Variants in SEMA3D observed in about 807,000 individuals in gnomAD.
SEMA3D encodes semaphorin 3D, also known as semaphorin-3D.
SEMA3D carries 84 observed loss-of-function variants against 100.1 expected under a neutral mutation model. That is an observed-to-expected ratio of 0.84 (90% CI 0.70 to 1.01). SEMA3D has a LOEUF of 1.01. Among genes scored for constraint, SEMA3D ranks in the 50% least tolerant of loss-of-function variants. SEMA3D has a pLI of 0.00. For missense variants in SEMA3D, 875 were observed against 934.1 expected, an observed-to-expected ratio of 0.94 and a Z score of 0.82; for synonymous variants, 312 against 320.7, an observed-to-expected ratio of 0.97 and a Z score of 0.29.
chr7:85,211,908 C>G, the SEMA3D span, among the ~76,000 whole-genome samples: 1 of 152,032 alleles, frequency 6.6e-6, no homozygotes, highest in Non-Finnish European at 1.5e-5. Context: ...ATAAAACACA[C>G]AAAAATATAT....
chr7:85,218,753 A>G, the SEMA3D span, among the ~76,000 whole-genome samples: 1 of 152,120 alleles, frequency 6.6e-6, no homozygotes, highest in Non-Finnish European at 1.5e-5. Flanking sequence ...TTTTATGGAG[A>G]CCAATGTCTT....
chr7:85,129,413 A>G (rs1167356306), intron 2 of SEMA3D, among the ~76,000 whole-genome samples: 1 of 152,118 alleles, frequency 6.6e-6, no homozygotes, highest in East Asian at 1.9e-4. Context: ...AAAAATATTT[A>G]CTGAAAAAAA....
chr7:85,225,097 TATATATATACATAC>T, the SEMA3D span, among the ~76,000 whole-genome samples: 3 of 30,804 alleles, frequency 9.7e-5, no homozygotes, highest in South Asian at 3.1e-3. Context: ...TATATATATA[TATATATATACATAC>T]ATATATACAT....
the SEMA3D span, among the ~76,000 whole-genome samples, chr7:85,206,472 G>A: frequency 1.3e-5 from 2 of 152,030 alleles, no homozygotes; most frequent in African/African-American, 2.4e-5. Context: ...TATGCCTATT[G>A]TAGTTCTTTT....
At chr7:85,150,405 T>G (rs1790343119) in intron 2 of SEMA3D, among the ~76,000 whole-genome samples, 1 of 95,508 alleles carries the variant, frequency 1.0e-5, no homozygotes, top group East Asian at 3.2e-4. Flanking sequence ...TTTACAGGGA[T>G]ATATATATAT....
chr7:85,169,030 C>A (rs908011186), intron 1 of SEMA3D, among the ~76,000 whole-genome samples: 23 of 151,250 alleles, frequency 1.5e-4, no homozygotes, highest in African/African-American at 5.3e-4. Flanking sequence ...ACTATGAGTT[C>A]ATGAGATAAA....
intron 2 of SEMA3D, among the ~76,000 whole-genome samples, chr7:85,126,375 CGT>C (rs34641872): frequency 0.24 from 31,664 of 130,838 alleles, 4,728 homozygotes; most frequent in Non-Finnish European, 0.33. Context: ...GATTCTTTCT[CGT>C]GTGTGTGTGT....
At chr7:85,131,385 A>C (rs1057158484) in intron 2 of SEMA3D, among the ~76,000 whole-genome samples, 1 of 152,144 alleles carries the variant, frequency 6.6e-6, no homozygotes, top group African/African-American at 2.4e-5. Flanking sequence ...GATATAACAT[A>C]ATTGTATTTG....
At chr7:85,050,512 T>C (rs1791134545) in intron 9 of SEMA3D, 1 of 330,696 alleles carries the variant, frequency 3.0e-6, no homozygotes, top group Non-Finnish European at 5.5e-6. Flanking sequence ...ATTATAAACA[T>C]ATTAAGTTTA....
rs950638876 is a variant in SEMA3D, at chr7:85,120,685, G to A, written c.151+1056C>T. Among the ~76,000 whole-genome samples the A allele has an allele frequency of 2.1e-5, 3 of 142,056 alleles. No individual in the cohort carries two copies. In the East Asian group the frequency reaches 6.2e-4, roughly 29 times the overall value. The allele number at this position is 142,056 out of a possible 152,430, so 93.2% of individuals were successfully genotyped here. A position where few individuals can be genotyped will look rare whatever the true frequency, so the allele number is the denominator to read the frequency against. On this transcript the variant is annotated intron_variant, in intron 3 of 18. Coordinates refer to ENST00000284136, the MANE Select transcript of SEMA3D (RefSeq NM_001384900.1). ...TCATCTCAAAAAAAAAAAAAAAAAG[G>A]TTTTAATTATTGATTAAATAAGACA...
intron 2 of SEMA3D, among the ~76,000 whole-genome samples, chr7:85,124,887 G>T (rs1057391957): frequency 1.3e-5 from 2 of 152,042 alleles, no homozygotes; most frequent in African/African-American, 2.4e-5. Flanking sequence ...TGGTCACTTC[G>T]TACTGCCTTT....
At chr7:85,206,001 C>T in the SEMA3D span, among the ~76,000 whole-genome samples, 1 of 152,084 alleles carries the variant, frequency 6.6e-6, no homozygotes, top group Non-Finnish European at 1.5e-5. Context: ...ACCTCCCTGG[C>T]AGTCTCTCCA....
the SEMA3D span, among the ~76,000 whole-genome samples, chr7:85,221,326 T>G: frequency 6.6e-6 from 1 of 152,092 alleles, no homozygotes; most frequent in East Asian, 1.9e-4. Flanking sequence ...TTGTTTGAAG[T>G]AGAAACTGCA....
At chr7:85,066,913 C>CACACACAGAGAGAGAGAGAGAG in intron 7 of SEMA3D, among the ~76,000 whole-genome samples, 6 of 127,760 alleles carry the variant, frequency 4.7e-5, no homozygotes, top group Admixed American at 3.9e-4. Context: ...CACACACACA[C>CACACACAGAGAGAGAGAGAGAG]AGAGAGAGAG....
At chr7:85,112,478 A>G (rs1342340344) in intron 3 of SEMA3D, among the ~76,000 whole-genome samples, 1 of 152,228 alleles carries the variant, frequency 6.6e-6, no homozygotes, top group African/African-American at 2.4e-5. Flanking sequence ...AACTAATGGT[A>G]AAACCTTGTT....
At chr7:85,105,108 C>T (rs1306108317) in intron 3 of SEMA3D, among the ~76,000 whole-genome samples, 1 of 152,014 alleles carries the variant, frequency 6.6e-6, no homozygotes, top group Non-Finnish European at 1.5e-5. Flanking sequence ...GTCAGATCTC[C>T]AATGTATTCT....
the SEMA3D span, among the ~76,000 whole-genome samples, chr7:85,240,509 T>C: frequency 1.3e-3 from 195 of 152,266 alleles, no homozygotes; most frequent in East Asian, 0.034. Flanking sequence ...CCTCATACAA[T>C]GAGTTTGGAA....
At chr7:85,223,660 A>G in the SEMA3D span, among the ~76,000 whole-genome samples, 2 of 152,104 alleles carry the variant, frequency 1.3e-5, no homozygotes, top group South Asian at 2.1e-4. Context: ...ACAATAACTC[A>G]TAACTGGAAA....
Position 85,027,085 on chromosome 7 carries a change from G to A in SEMA3D, c.1192-4472C>T, listed in dbSNP as rs1453820957. ...GATTTACTTCTGTAAAGCAAAATCA[G>A]AAACCAAGCTCAGGCATGGCAGTGA... On this transcript the variant is annotated intron_variant, in intron 12 of 18. Coordinates refer to ENST00000284136, the MANE Select transcript of SEMA3D (RefSeq NM_001384900.1). 2.0e-5 allele frequency among the ~76,000 whole-genome samples: 3 copies of A among 152,004 alleles called. No individual in the cohort carries two copies. In the East Asian group the frequency reaches 5.8e-4, roughly 30 times the overall value.
Sources: allele counts gnomAD v4.1 joint callset (sites outside exome capture counted in the v4.1 genomes callset), GRCh38; gene constraint gnomAD v4.1.1; transcripts MANE v1.5; gene names NCBI Gene and HGNC (gene_info 2026-07-23, HGNC 2026-07-21).